Variants in APAF1 observed in about 807,000 individuals in gnomAD.
The protein encoded by APAF1 is apoptotic protease-activating factor 1.
Under a neutral mutation model 152.4 loss-of-function variants are expected in APAF1, and 91 were observed. The observed-to-expected ratio is 0.60, with a 90% CI of 0.50 to 0.71. APAF1 has a LOEUF of 0.71. Ranked by LOEUF, APAF1 falls within the 30% of genes least tolerant of loss-of-function variation. APAF1 has a pLI of 0.00. For missense variants in APAF1, 1,283 were observed against 1,472.0 expected (o/e 0.87, Z 2.10); for synonymous variants, 484 against 494.1 (o/e 0.98, Z 0.27).
At chr12:98,647,985 T>G (rs1428078519) in intron 1 of APAF1, among the ~76,000 whole-genome samples, 1 of 152,190 alleles carries the variant, frequency 6.6e-6, no homozygotes, top group Non-Finnish European at 1.5e-5. Flanking sequence ...TCATTAATTC[T>G]CCTTGTGGAT....
rs553220636 is a variant in APAF1 at position 98,673,942 on chromosome 12, T to A, written c.1793+2223T>A. On this transcript the variant is annotated intron_variant, in intron 12 of 26. Coordinates refer to ENST00000551964, the MANE Select transcript of APAF1 (RefSeq NM_181861.2). ...GGGTTCCATGAAGGAGAGAATGGTA[T>A]CTGAGAGAATTAAAATTTTTTTTTT... 3.9e-5 allele frequency among the ~76,000 whole-genome samples: 6 copies of A among 152,314 alleles called. No individual in the cohort carries two copies. In the South Asian group the frequency reaches 1.2e-3, roughly 32 times the overall value.
At chr12:98,649,185 C>A in intron 3 of APAF1, 1 of 979,898 alleles carries the variant, frequency 1.0e-6, no homozygotes, top group Non-Finnish European at 1.2e-6. Flanking sequence ...CTTCCTTTTA[C>A]ACTTGCCTTC....
chr12:98,709,732 G>T (rs2097725809), intron 20 of APAF1, among the ~76,000 whole-genome samples: 2 of 152,142 alleles, frequency 1.3e-5, no homozygotes, highest in Admixed American at 1.3e-4. Context: ...TGAGAGAGGT[G>T]GTAAGAGCAA....
chr12:98,722,712 A>G (rs74630492), intron 22 of APAF1, among the ~76,000 whole-genome samples: 2,212 of 152,082 alleles, frequency 0.015, 26 homozygotes, highest in Non-Finnish European at 0.019. Flanking sequence ...GATAGCTGAG[A>G]TATTTGAAGC....
At chr12:98,653,194 C>T (rs561627429) in intron 4 of APAF1, among the ~76,000 whole-genome samples, 1 of 152,236 alleles carries the variant, frequency 6.6e-6, no homozygotes, top group South Asian at 2.1e-4. Context: ...CTGGAGTTCA[C>T]TTCCATTCTC....
At chr12:98,711,668 C>G (rs1369663067) in intron 20 of APAF1, among the ~76,000 whole-genome samples, 3 of 152,068 alleles carry the variant, frequency 2.0e-5, no homozygotes, top group Non-Finnish European at 4.4e-5. Context: ...AAATATTTTC[C>G]CAGGTCACAT....
intron 16 of APAF1, among the ~76,000 whole-genome samples, chr12:98,695,733 A>C (rs2097709177): frequency 6.6e-6 from 1 of 152,218 alleles, no homozygotes; most frequent in African/African-American, 2.4e-5. Context: ...TGCAGAGTGA[A>C]GGGAGGAGAT....
chr12:98,716,071 A>T (rs1216745824), intron 22 of APAF1, among the ~76,000 whole-genome samples: 1 of 152,230 alleles, frequency 6.6e-6, no homozygotes, highest in Non-Finnish European at 1.5e-5. Context: ...TTCTTTTAAA[A>T]TTCAAATAGT....
intron 13 of APAF1, 120 bp downstream of exon 13, chr12:98,677,671 G>C: frequency 8.6e-7 from 1 of 1,166,854 alleles, no homozygotes; most frequent in Non-Finnish European, 1.2e-6. Context: ...GAGGAATCCA[G>C]CTCTCTTGAA....
intron 15 of APAF1, among the ~76,000 whole-genome samples, chr12:98,684,435 C>T (rs2097695776): frequency 6.6e-6 from 1 of 150,632 alleles, no homozygotes; most frequent in African/African-American, 2.5e-5. Context: ...ACCTTCCCTT[C>T]CTCTTGACCT....
Position 98,723,303 on chromosome 12 carries a change from A to C in APAF1, c.3195A>C (p.Gly1065=). ...NSRLLSWSFD[G]TVKVWNIITG... ...GACTGCTTTCTTGGTCATTTGATGG[A>C]ACAGTGAAGGTAATTTAAAGTATAA... Residue 1065 remains glycine (G), a synonymous_variant, in exon 23 of 27, where the codon GGA becomes GGC. Coordinates refer to ENST00000551964, the MANE Select transcript of APAF1 (RefSeq NM_181861.2). The C allele has an allele frequency of 6.2e-7, 1 of 1,613,488 alleles. No homozygotes were observed. Among genetic ancestry groups the C allele is most frequent in the Non-Finnish European group, 8.5e-7 (1 of 1,179,494 alleles).
intron 4 of APAF1, among the ~76,000 whole-genome samples, chr12:98,656,209 C>T (rs1187745437): frequency 6.6e-6 from 1 of 152,260 alleles, no homozygotes. Context: ...AGCCACCGTG[C>T]CAGGCTCTAA....
At chr12:98,723,579 T>G in intron 23 of APAF1, 60 bp from the exon 24 acceptor site, 1 of 1,475,430 alleles carries the variant, frequency 6.8e-7, no homozygotes, top group Admixed American at 1.8e-5. Context: ...TGATTATGCT[T>G]TTTAATATAA....
At chr12:98,658,370 G>T (rs930585700) in intron 4 of APAF1, among the ~76,000 whole-genome samples, 3 of 152,070 alleles carry the variant, frequency 2.0e-5, no homozygotes, top group Admixed American at 6.6e-5. Flanking sequence ...CTTAATATTG[G>T]TAAGTTGCTC....
intron 10 of APAF1, among the ~76,000 whole-genome samples, chr12:98,668,155 G>C (rs2097675762): frequency 6.6e-6 from 1 of 152,100 alleles, no homozygotes; most frequent in African/African-American, 2.4e-5. Context: ...TTGCTTTGCT[G>C]TCCTGTTCAT....
chr12:98,732,723 T>A lies in APAF1; in HGVS notation c.*157T>A. The stretch of plus-strand genomic sequence containing the variant: ...TGTGGTTGGATGAATAATATTAATG[T>A]AGCTTTTTCCCAAATGAACATACCT... On this transcript the variant is annotated 3_prime_UTR_variant, in exon 27 of 27. Transcript: ENST00000551964. The A allele has an allele frequency of 1.6e-6, 1 of 606,418 alleles. No homozygotes were observed. The highest frequency in any genetic ancestry group is 2.9e-6 in the Non-Finnish European group (1 of 346,868). 37.6% of individuals were successfully genotyped at this position (606,418 alleles called of 1,614,324 possible). A position where few individuals can be genotyped will look rare whatever the true frequency, so the allele number is the denominator to read the frequency against.
intron 7 of APAF1, among the ~76,000 whole-genome samples, chr12:98,664,924 T>C (rs535777018): frequency 1.1e-4 from 17 of 152,370 alleles, no homozygotes; most frequent in African/African-American, 3.1e-4. Flanking sequence ...AATATTGATA[T>C]ATCTTAATTT....
At chr12:98,674,094 C>T (rs544755933) in intron 12 of APAF1, among the ~76,000 whole-genome samples, 1 of 152,204 alleles carries the variant, frequency 6.6e-6, no homozygotes, top group East Asian at 1.9e-4. Context: ...CTCTTGGGCT[C>T]AAGCAACCCT....
At position 98,682,484 on chromosome 12, in the gene APAF1, G is replaced by A. The variant is rs1023310263; in HGVS notation, c.2047-659G>A. ...GTCGATCCCGTTTACAGAAGAGGAC[G>A]CAGATTCAGAGATGAAGTCTCTTGC... On this transcript the variant is annotated intron_variant, in intron 14 of 26. Transcript: ENST00000551964. Among the ~76,000 whole-genome samples, 5 of 152,198 alleles carry A rather than the reference G, an allele frequency of 3.3e-5. No individual in the cohort carries two copies. In the East Asian group the frequency reaches 5.8e-4, roughly 18 times the overall value.
Sources: gnomAD v4.1 joint callset for allele counts (sites outside exome capture counted in the v4.1 genomes callset) on GRCh38, gnomAD v4.1.1 for gene constraint, MANE v1.5 for transcripts, NCBI Gene and HGNC (gene_info 2026-07-23, HGNC 2026-07-21) for gene names.